Variants in GPC5 observed in about 807,000 individuals in gnomAD.
GPC5 encodes glypican-5.
Under a neutral mutation model 53.9 loss-of-function variants are expected in GPC5, and 47 were observed. The ratio of observed to expected loss-of-function variants is 0.87; its 90% CI spans 0.69 to 1.11. The LOEUF is 1.11. GPC5 is among the 50% of genes most tolerant of loss of function. GPC5 has a pLI of 0.00. For missense variants in GPC5, 748 were observed against 713.1 expected (o/e 1.05, Z -0.56); for synonymous variants, 286 against 263.3 (o/e 1.09, Z -0.84).
chr13:91,533,662 A>G (rs774500255), intron 2 of GPC5, among the ~76,000 whole-genome samples: 1 of 152,230 alleles, frequency 6.6e-6, no homozygotes, highest in Non-Finnish European at 1.5e-5. Flanking sequence ...GGTGCTCCAA[A>G]TGATTAGCAC....
chr13:92,432,894 A>T (rs1877155548), intron 7 of GPC5, among the ~76,000 whole-genome samples: 1 of 152,110 alleles, frequency 6.6e-6, no homozygotes, highest in Admixed American at 6.6e-5. Context: ...CTGGAAAAAG[A>T]TAAATATTTG....
At chr13:92,140,857 T>C (rs544108633) in intron 6 of GPC5, among the ~76,000 whole-genome samples, 16 of 152,298 alleles carry the variant, frequency 1.1e-4, no homozygotes, top group South Asian at 6.2e-4. Context: ...CACTTCCAGT[T>C]GCTGCTTAGA....
intron 6 of GPC5, among the ~76,000 whole-genome samples, chr13:91,969,018 G>A (rs1036853711): frequency 2.0e-5 from 3 of 151,454 alleles, no homozygotes; most frequent in African/African-American, 7.3e-5. Context: ...AACCAGGCTG[G>A]ATTGCAGTGG....
At chr13:92,700,677 T>A (rs1327420005) in intron 7 of GPC5, among the ~76,000 whole-genome samples, 1 of 152,106 alleles carries the variant, frequency 6.6e-6, no homozygotes, top group East Asian at 1.9e-4. Flanking sequence ...CTTGTTACAT[T>A]TTCTTATGTT....
intron 5 of GPC5, among the ~76,000 whole-genome samples, chr13:91,792,594 C>G (rs1218121894): frequency 6.6e-6 from 1 of 152,134 alleles, no homozygotes; most frequent in Admixed American, 6.6e-5. Context: ...GTATATTTCT[C>G]TTCTCTATGA....
chr13:92,633,432 G>C (rs895520601), intron 7 of GPC5, among the ~76,000 whole-genome samples: 1 of 151,912 alleles, frequency 6.6e-6, no homozygotes, highest in African/African-American at 2.4e-5. Context: ...ATTAATTTAA[G>C]AAAAGCTGAG....
At chr13:91,740,743 C>T (rs1037659960) in intron 4 of GPC5, among the ~76,000 whole-genome samples, 2 of 152,172 alleles carry the variant, frequency 1.3e-5, no homozygotes, top group Non-Finnish European at 2.9e-5. Context: ...ATCAACACAG[C>T]TGTAAAGGAC....
intron 7 of GPC5, among the ~76,000 whole-genome samples, chr13:92,725,687 T>G (rs1483691749): frequency 6.6e-6 from 1 of 151,596 alleles, no homozygotes; most frequent in Non-Finnish European, 1.5e-5. Flanking sequence ...AATTCTCATG[T>G]TAAATCTTAA....
intron 7 of GPC5, among the ~76,000 whole-genome samples, chr13:92,533,006 T>C (rs1881614632): frequency 6.6e-6 from 1 of 152,160 alleles, no homozygotes; most frequent in Non-Finnish European, 1.5e-5. Flanking sequence ...CAGTCTCATT[T>C]TATGACAAAT....
intron 7 of GPC5, among the ~76,000 whole-genome samples, chr13:92,327,525 C>T (rs1436612854): frequency 6.6e-6 from 1 of 152,136 alleles, no homozygotes; most frequent in East Asian, 1.9e-4. Flanking sequence ...AGGACAAGTT[C>T]AGGGAAAATG....
At chr13:92,357,592 G>T (rs989991042) in intron 7 of GPC5, among the ~76,000 whole-genome samples, 1 of 151,442 alleles carries the variant, frequency 6.6e-6, no homozygotes, top group South Asian at 2.1e-4. Flanking sequence ...CCAGAGACTC[G>T]GTAATTTATA....
At chr13:92,573,952 C>G (rs542837688) in intron 7 of GPC5, among the ~76,000 whole-genome samples, 1 of 152,138 alleles carries the variant, frequency 6.6e-6, no homozygotes, top group Non-Finnish European at 1.5e-5. Context: ...CGAAGTTCTC[C>G]GTCATCCAGT....
chr13:92,593,021 T>C (rs1883763099), intron 7 of GPC5, among the ~76,000 whole-genome samples: 1 of 151,234 alleles, frequency 6.6e-6, no homozygotes, highest in African/African-American at 2.4e-5. Flanking sequence ...AATAGATCCC[T>C]GGCCATGGTG....
intron 7 of GPC5, among the ~76,000 whole-genome samples, chr13:92,703,021 T>C (rs1340535411): frequency 6.6e-6 from 1 of 151,436 alleles, no homozygotes; most frequent in Non-Finnish European, 1.5e-5. Context: ...CCCACCCTTA[T>C]ACTCCTCATC....
At chr13:92,782,221 T>A (rs1414430666) in intron 7 of GPC5, among the ~76,000 whole-genome samples, 1 of 152,162 alleles carries the variant, frequency 6.6e-6, no homozygotes, top group Non-Finnish European at 1.5e-5. Context: ...CAGTTTTTTA[T>A]CCCCTTTCTA....
chr13:92,465,003 TAA>T (rs760386804), intron 7 of GPC5, among the ~76,000 whole-genome samples: 1 of 151,906 alleles, frequency 6.6e-6, no homozygotes, highest in Non-Finnish European at 1.5e-5. Context: ...CAATGACCAG[TAA>T]AGTGATTGTG....
intron 6 of GPC5, among the ~76,000 whole-genome samples, chr13:92,025,844 A>T (rs1261452832): frequency 6.6e-6 from 1 of 152,162 alleles, no homozygotes; most frequent in Non-Finnish European, 1.5e-5. Flanking sequence ...TATCTGAGGC[A>T]GTGGTGTATA....
chr13:92,066,547 A>G lies in GPC5; in HGVS notation c.1402-78283A>G, dbSNP rs1046619948. Among the ~76,000 whole-genome samples the G allele has an allele frequency of 2.0e-5, 3 of 152,090 alleles. No homozygotes were observed. In the South Asian group the frequency reaches 6.2e-4, roughly 31 times the overall value. On this transcript the variant is annotated intron_variant, in intron 6 of 7. Transcript: ENST00000377067. ...GAGTTTTGAAGGGAACATTAAAACC[A>G]TAGCAAAGCGCACATTATATTCGTT...
intron 1 of GPC5, among the ~76,000 whole-genome samples, chr13:91,424,270 A>G (rs17668235): frequency 0.02 from 2,865 of 140,642 alleles, 113 homozygotes; most frequent in East Asian, 0.2. Flanking sequence ...TCATCATGAC[A>G]TTCCTTGACC....
Sources: allele counts gnomAD v4.1 joint callset (sites outside exome capture counted in the v4.1 genomes callset), GRCh38; gene constraint gnomAD v4.1.1; transcripts MANE v1.5; gene names NCBI Gene and HGNC (gene_info 2026-07-23, HGNC 2026-07-21).